TNNT3: variants seen among roughly 807,000 people sequenced by gnomAD.
TNNT3 encodes the protein troponin T, fast skeletal muscle.
A neutral mutation model predicts 54.2 loss-of-function variants in TNNT3; 36 were observed. The observed-to-expected ratio is 0.66, with a 90% CI of 0.51 to 0.88. TNNT3 has a LOEUF of 0.88. TNNT3 is among the 40% of genes least tolerant of loss of function. TNNT3 has a pLI of 0.00. For synonymous variants in TNNT3, 120 were observed against 109.7 expected (o/e 1.09, Z -0.59); for missense variants, 291 against 331.6 (o/e 0.88, Z 0.95).
Position 1,922,841 on chromosome 11 carries a change from G to C in TNNT3, c.-18-16G>C, listed in dbSNP as rs774418011. On this transcript the variant is annotated splice_polypyrimidine_tract_variant and intron_variant, in intron 1 of 15. Transcript: ENST00000278317. ...CCATCCTCTCTCTCTCTCTCTCTCT[G>C]AATCTCTCTCTGCAGAAACCACCCA... 52 of 1,603,158 alleles carry C rather than the reference G, an allele frequency of 3.2e-5. No homozygotes were observed. Among genetic ancestry groups the C allele is most frequent in the Non-Finnish European group, 4.2e-5 (49 of 1,174,714 alleles).
At chr11:1,924,793 G>A (rs1174453795) in intron 4 of TNNT3, 2 of 577,030 alleles carry the variant, frequency 3.5e-6, no homozygotes, top group South Asian at 2.0e-5. Context: ...CCGTGCACAG[G>A]CGCCTCCAGG....
intron 8 of TNNT3, among the ~76,000 whole-genome samples, chr11:1,931,473 T>C (rs564805419): frequency 6.6e-6 from 1 of 152,348 alleles, no homozygotes; most frequent in East Asian, 1.9e-4. Context: ...CAGCCTCTGA[T>C]GGATGAGAAA....
At chr11:1,926,616 C>A in intron 5 of TNNT3, 79 bp from the exon 6 acceptor site, 1 of 1,610,526 alleles carries the variant, frequency 6.2e-7, no homozygotes. Flanking sequence ...CCTGCCCGCC[C>A]TCCTCTCTGC....
In TNNT3 at chr11:1,934,879, A is replaced by G. The variant is rs762365604; in HGVS notation, c.641A>G (p.Lys214Arg). The change falls in exon 14 of 16, where the codon AAG becomes AGG. Residue 214 changes from lysine to arginine, a missense_variant. Physicochemically the swap from Lys to Arg is conservative, Grantham distance 26. Coordinates refer to ENST00000278317, the MANE Select transcript of TNNT3 (RefSeq NM_006757.4). ...ACCCTGCACCAGCTGGAGATTGACA[A>G]GTTCGAGTTTGGGGAGAAGCTGAAA... ...WETLHQLEID[K>R]FEFGEKLKRQ... is the part of the protein sequence containing the mutation. The G allele has an allele frequency of 6.2e-7, 1 of 1,613,672 alleles. No homozygotes were observed. The highest frequency in any genetic ancestry group is 1.1e-5 in the South Asian group (1 of 91,088).
chr11:1,927,499 C>G (rs1275068174), intron 6 of TNNT3, among the ~76,000 whole-genome samples: 1 of 152,150 alleles, frequency 6.6e-6, no homozygotes, highest in African/African-American at 2.4e-5. Flanking sequence ...GTGACTCGAG[C>G]CTCGGAGAGG....
At position 1,937,016 on chromosome 11, in the gene TNNT3, G is replaced by T; in HGVS notation, c.722+13G>T. ...AGGCCCAGAAGCAGTGAGTAGCCCT[G>T]CCGTCCTCGCTCCGCACTGGGCACA... On this transcript the variant is annotated intron_variant, in intron 15 of 15. Coordinates refer to ENST00000278317, the MANE Select transcript of TNNT3 (RefSeq NM_006757.4). The T allele has an allele frequency of 6.3e-7, 1 of 1,591,022 alleles. No individual in the cohort carries two copies. The highest frequency in any genetic ancestry group is 8.5e-7 in the Non-Finnish European group (1 of 1,170,744).
chr11:1,923,103 A>C (rs1200095025), intron 3 of TNNT3, 42 bp downstream of exon 3: 1 of 1,613,144 alleles, frequency 6.2e-7, no homozygotes, highest in African/African-American at 1.3e-5. Flanking sequence ...CTGCTCTAGA[A>C]GGAAGGCTCA....
chr11:1,934,349 G>A lies in TNNT3; in HGVS notation c.384G>A (p.Arg128=), dbSNP rs1333785249. The A allele has an allele frequency of 6.2e-7, 1 of 1,613,444 alleles. No homozygotes were observed. Among genetic ancestry groups the A allele is most frequent in the Admixed American group, 1.7e-5 (1 of 60,028 alleles). The change falls in exon 12 of 16, where the codon AGG becomes AGA. Residue 128 remains arginine (R), a synonymous_variant. Coordinates refer to ENST00000278317, the MANE Select transcript of TNNT3 (RefSeq NM_006757.4). ...QNRLAEEKAR[R]EEEDAKRRAE... Reference sequence around the variant, plus strand: ...CTCCACAGGAGGAAAAGGCCAGAAGGGAGGAGGAGGATGCCAAGAGGAGGG... The same window carrying A: ...CTCCACAGGAGGAAAAGGCCAGAAGAGAGGAGGAGGATGCCAAGAGGAGGG...
intron 11 of TNNT3, 47 bp from the exon 12 acceptor site, chr11:1,934,285 T>G (rs780615657): frequency 6.4e-7 from 1 of 1,560,268 alleles, no homozygotes; most frequent in East Asian, 2.2e-5. Flanking sequence ...CCAGAAAGCA[T>G]AGCCCTCTCT....
intron 4 of TNNT3, among the ~76,000 whole-genome samples, chr11:1,923,785 T>G (rs1034860288): frequency 2.1e-4 from 32 of 152,144 alleles, no homozygotes; most frequent in Non-Finnish European, 5.9e-5. Flanking sequence ...TAATGATGGA[T>G]GAGTCATTAA....
In TNNT3 at chr11:1,923,409, G is replaced by GC. The variant is rs1210880695; in HGVS notation, c.32-143dup. On this transcript the variant is annotated intron_variant, in intron 3 of 15. Transcript: ENST00000278317. ...CTGCCTTCCCCAGCGCCTCCTCAGG[G>GC]CCCGAGGACCCCTGATTCCACGCTC... 167 of 908,410 alleles carry GC rather than the reference G, an allele frequency of 1.8e-4. 2 individuals carry two copies. The South Asian group carries it at 1.9e-3, about 10-fold the overall frequency. The allele number at this position is 908,410 out of a possible 1,614,324, so 56.3% of individuals were successfully genotyped here. A position where few individuals can be genotyped will look rare whatever the true frequency, so the allele number is the denominator to read the frequency against.
chr11:1,931,490 C>T (rs1481970717), intron 8 of TNNT3, among the ~76,000 whole-genome samples: 1 of 152,196 alleles, frequency 6.6e-6, no homozygotes, highest in Non-Finnish European at 1.5e-5. Context: ...GAAACGGCAC[C>T]TCATGATTCT....
intron 4 of TNNT3, chr11:1,924,864 G>A: frequency 3.2e-6 from 2 of 632,366 alleles, no homozygotes; most frequent in South Asian, 3.6e-5. Flanking sequence ...TCAGGGGCCG[G>A]GCCCAGCCCA....
At chr11:1,922,694 G>A (rs1474916128) in intron 1 of TNNT3, 163 bp from the exon 2 acceptor site, 6 of 682,686 alleles carry the variant, frequency 8.8e-6, no homozygotes, top group Non-Finnish European at 1.6e-5. Context: ...GAAAGGGGAG[G>A]CCCAAGGAGG....
chr11:1,938,117 A>G (rs1385261872), intron 15 of TNNT3: 3 of 403,348 alleles, frequency 7.4e-6, no homozygotes, highest in African/African-American at 6.2e-5. Flanking sequence ...AGCGTCTAGG[A>G]TTATATCATT....
In TNNT3 at chr11:1,938,571, C is replaced by T. The variant is rs775383715; in HGVS notation, c.*79C>T. On this transcript the variant is annotated 3_prime_UTR_variant, in exon 16 of 16. Coordinates refer to ENST00000278317, the MANE Select transcript of TNNT3 (RefSeq NM_006757.4). The stretch of plus-strand genomic sequence containing the variant: ...GGCCGCTCGTGGGACTCCACATCCT[C>T]CAGCCCCCACAATCCTGTCAGGGGC... The T allele has an allele frequency of 8.4e-6, 12 of 1,436,356 alleles. No individual in the cohort carries two copies. In the African/African-American group the frequency reaches 1.1e-4, roughly 13 times the overall value. 89.0% of individuals were successfully genotyped at this position (1,436,356 alleles called of 1,614,324 possible).
At chr11:1,938,069 GGCCACC>G (rs548687584) in intron 15 of TNNT3, 1 of 337,768 alleles carries the variant, frequency 3.0e-6, no homozygotes, top group Non-Finnish European at 5.8e-6. Context: ...GCCCCTCAGA[GGCCACC>G]GTCTGGAGGG....
At position 1,938,324 on chromosome 11, in the gene TNNT3, C is replaced by T. The variant is rs1053962037; in HGVS notation, c.723-114C>T. ...GTGTGGGCCGCAAGCTTGGGCCGGG[C>T]CTGTGCCCTGAGAGCAGCCTGGGGT... On this transcript the variant is annotated intron_variant, in intron 15 of 15. Transcript: ENST00000278317. 1.1e-4 allele frequency: 134 copies of T among 1,168,124 alleles called. 1 individual carries two copies. In the South Asian group the frequency reaches 1.6e-3, roughly 14 times the overall value. The allele number at this position is 1,168,124 out of a possible 1,614,324, so 72.4% of individuals were successfully genotyped here.
At chr11:1,919,798 GC>G (rs1225967484) in intron 1 of TNNT3, 36 bp downstream of exon 1, 9 of 152,282 alleles carry the variant, frequency 5.9e-5, no homozygotes, top group South Asian at 2.1e-4. Context: ...CAGGACTGGG[GC>G]CGACGGGGCC....
Sources: gnomAD v4.1 joint callset for allele counts (sites outside exome capture counted in the v4.1 genomes callset) on GRCh38, gnomAD v4.1.1 for gene constraint, MANE v1.5 for transcripts, NCBI Gene and HGNC (gene_info 2026-07-23, HGNC 2026-07-21) for gene names.